The following XPNPEP1 variants were observed in gnomAD, a reference collection of about 807,000 sequenced individuals.
XPNPEP1 encodes X-prolyl aminopeptidase 1.
XPNPEP1 carries 39 observed loss-of-function variants against 92.4 expected under a neutral mutation model. That is an observed-to-expected ratio of 0.42 (90% CI 0.33 to 0.55). XPNPEP1 has a LOEUF of 0.55. Among genes scored for constraint, XPNPEP1 ranks in the 20% least tolerant of loss-of-function variants. XPNPEP1 has a pLI of 0.08. For synonymous variants in XPNPEP1, 307 were observed against 299.4 expected (o/e 1.03, Z -0.26); for missense variants, 654 against 856.1 (o/e 0.76, Z 2.95).
At chr10:109,886,366 C>T (rs1266764835) in intron 7 of XPNPEP1, 25 bp from the exon 8 acceptor site, 1 of 1,609,502 alleles carries the variant, frequency 6.2e-7, no homozygotes, top group Non-Finnish European at 8.5e-7. Flanking sequence ...TGTGCTTTAA[C>T]TCCAGCCCTG....
At chr10:109,911,560 T>A (rs1849874217) in intron 2 of XPNPEP1, among the ~76,000 whole-genome samples, 1 of 152,232 alleles carries the variant, frequency 6.6e-6, no homozygotes, top group South Asian at 2.1e-4. Context: ...CTTGCCAGCA[T>A]CTAAAAATTT....
chr10:109,911,861 T>C (rs181694673), intron 2 of XPNPEP1, among the ~76,000 whole-genome samples: 1 of 152,362 alleles, frequency 6.6e-6, no homozygotes, highest in African/African-American at 2.4e-5. Flanking sequence ...AGGTACATTC[T>C]GACGTAAGGA....
rs898680225 is a variant in XPNPEP1 at position 109,874,612 on chromosome 10, C to T, written c.1391+916G>A. On this transcript the variant is annotated intron_variant, in intron 15 of 20. Transcript: ENST00000502935. Reference sequence around the variant, plus strand: ...AGCTCATTCAATAATTAGGTCCTCCCTTAGCCATAGTCCCAACTTCAGTGG... The same window carrying T: ...AGCTCATTCAATAATTAGGTCCTCCTTTAGCCATAGTCCCAACTTCAGTGG... Among the ~76,000 whole-genome samples the T allele has an allele frequency of 5.3e-5, 8 of 152,320 alleles. No homozygotes were observed. In the South Asian group the frequency reaches 1.7e-3, roughly 32 times the overall value.
At chr10:109,870,704 C>T (rs1847411903) in intron 18 of XPNPEP1, 27 bp downstream of exon 18, 3 of 1,607,188 alleles carry the variant, frequency 1.9e-6, no homozygotes, top group Non-Finnish European at 2.6e-6. Context: ...AGGATCCACG[C>T]ATGCCCTCTA....
intron 1 of XPNPEP1, 49 bp from the exon 2 acceptor site, chr10:109,915,148 G>A (rs765163151): frequency 7.1e-6 from 9 of 1,269,188 alleles, no homozygotes; most frequent in Admixed American, 6.9e-5. Flanking sequence ...CACAATAAAC[G>A]TGGCAAGGCT....
chr10:109,865,651 G>A (rs12245544), intron 20 of XPNPEP1, among the ~76,000 whole-genome samples: 6,321 of 152,194 alleles, frequency 0.042, 435 homozygotes, highest in African/African-American at 0.14. Context: ...GAATAGCCCC[G>A]GACTCTGTGA....
chr10:109,907,815 T>C lies in XPNPEP1; in HGVS notation c.122A>G (p.Asp41Gly). 6.2e-7 allele frequency: 1 copy of C among 1,614,040 alleles called. No homozygotes were observed. The highest frequency in any genetic ancestry group is 8.5e-7 in the Non-Finnish European group (1 of 1,179,962). ...THSGDTGVETDGRMPPKVTSE... is the reference protein window; with the variant it reads ...THSGDTGVETGGRMPPKVTSE... ...AGTCACCTTTGGAGGCATTCTGCCG[T>C]CTGCAACAACAGGAGAGCAAATTTC... The change falls in exon 3 of 21, where the codon GAC becomes GGC. Residue 41 changes from aspartate (D) to glycine (G), a missense_variant and splice_region_variant. Asp to Gly is a moderately conservative substitution (Grantham distance 94). Transcript: ENST00000502935.
chr10:109,865,434 A>C, intron 20 of XPNPEP1, 122 bp from the exon 21 acceptor site: 2 of 1,289,046 alleles, frequency 1.6e-6, no homozygotes, highest in Non-Finnish European at 1.1e-6. Flanking sequence ...GGTGTGCAAC[A>C]CCCTTTCTCC....
At chr10:109,917,688 C>G (rs1404198101) in intron 1 of XPNPEP1, among the ~76,000 whole-genome samples, 1 of 152,104 alleles carries the variant, frequency 6.6e-6, no homozygotes, top group Non-Finnish European at 1.5e-5. Context: ...TGAAAAAGAA[C>G]AAAATCTTGA....
At chr10:109,886,484 C>T (rs532371347) in intron 7 of XPNPEP1, 143 bp from the exon 8 acceptor site, 19 of 738,800 alleles carry the variant, frequency 2.6e-5, no homozygotes, top group Middle Eastern at 2.4e-4. Flanking sequence ...GGCCTGGATT[C>T]AAGCCCTATA....
chr10:109,882,414 C>T lies in XPNPEP1; in HGVS notation c.1041+18G>A. 1 of 1,606,050 alleles carries T rather than the reference C, an allele frequency of 6.2e-7. No homozygotes were observed. Among genetic ancestry groups the T allele is most frequent in the Non-Finnish European group, 8.5e-7 (1 of 1,173,782 alleles). On this transcript the variant is annotated intron_variant, in intron 10 of 20. Transcript: ENST00000502935. ...AGGGGGTGGCAGAGTTTAGATGGGCCAAAGTGGGGTCACCAACCTTGGGGA... is the reference window on the plus strand; with the variant it reads ...AGGGGGTGGCAGAGTTTAGATGGGCTAAAGTGGGGTCACCAACCTTGGGGA...
At chr10:109,901,485 T>C (rs995983178) in intron 3 of XPNPEP1, among the ~76,000 whole-genome samples, 4 of 152,200 alleles carry the variant, frequency 2.6e-5, no homozygotes, top group Non-Finnish European at 4.4e-5. Flanking sequence ...CCTGTTCACG[T>C]TCCAATTTAA....
chr10:109,921,214 C>T (rs1247501685), intron 1 of XPNPEP1, among the ~76,000 whole-genome samples: 1 of 152,234 alleles, frequency 6.6e-6, no homozygotes, highest in African/African-American at 2.4e-5. Flanking sequence ...TCAATTCCCT[C>T]CTCTAGACCA....
At chr10:109,889,056 CCT>C (rs956141936) in intron 5 of XPNPEP1, among the ~76,000 whole-genome samples, 10 of 152,216 alleles carry the variant, frequency 6.6e-5, no homozygotes, top group Non-Finnish European at 1.5e-4. Context: ...AGTGCCCGCC[CCT>C]CATCTGCAAG....
At position 109,880,899 on chromosome 10, in the gene XPNPEP1, GA is replaced by G; in HGVS notation, c.1073del (p.Ile358ThrfsTer7). 6.2e-7 allele frequency: 1 copy of G among 1,614,100 alleles called. No individual in the cohort carries two copies. Among genetic ancestry groups the G allele is most frequent in the Non-Finnish European group, 8.5e-7 (1 of 1,180,004 alleles). On this transcript the variant is annotated frameshift_variant, in exon 11 of 21. Transcript: ENST00000502935. LOFTEE classifies it high-confidence loss of function. ...AATTCTTCACAGCTTTGGCGATGCAGATGGGGGTGTAAGGCATACAGCAGCG... is the reference window on the plus strand; with the variant it reads ...AATTCTTCACAGCTTTGGCGATGCAGTGGGGGTGTAAGGCATACAGCAGCG... ...DHRCCMPYTP[I>X]CIAKAVKNSA...
chr10:109,882,365 C>A, intron 10 of XPNPEP1, 67 bp downstream of exon 10: 1 of 1,559,682 alleles, frequency 6.4e-7, no homozygotes, highest in African/African-American at 1.4e-5. Context: ...TGCCTGTGCT[C>A]CAAAGACAAT....
intron 1 of XPNPEP1, among the ~76,000 whole-genome samples, chr10:109,919,172 T>G (rs1439998310): frequency 1.3e-5 from 2 of 152,166 alleles, no homozygotes; most frequent in African/African-American, 2.4e-5. Flanking sequence ...ATGTTTGTGT[T>G]TCAAAGGATA....
At chr10:109,888,691 G>A in intron 5 of XPNPEP1, 96 bp from the exon 6 acceptor site, 1 of 976,578 alleles carries the variant, frequency 1.0e-6, no homozygotes, top group Non-Finnish European at 1.4e-6. Flanking sequence ...TGATAGCAGG[G>A]TCTTTATTAA....
intron 14 of XPNPEP1, 28 bp from the exon 15 acceptor site, chr10:109,875,627 T>C (rs1206594200): frequency 1.9e-6 from 3 of 1,600,866 alleles, no homozygotes; most frequent in Non-Finnish European, 2.6e-6. Context: ...AAATTAATTA[T>C]TCCACAAATG....
Sources: allele counts gnomAD v4.1 joint callset (sites outside exome capture counted in the v4.1 genomes callset), GRCh38; gene constraint gnomAD v4.1.1; transcripts MANE v1.5; gene names NCBI Gene and HGNC (gene_info 2026-07-23, HGNC 2026-07-21).